The following ESRRG variants were observed in gnomAD, a reference collection of about 807,000 sequenced individuals.
The protein encoded by ESRRG is estrogen-related receptor gamma.
A neutral mutation model predicts 44.0 loss-of-function variants in ESRRG; 13 were observed. The observed-to-expected ratio is 0.30, with a 90% CI of 0.19 to 0.47. The LOEUF is 0.47. Among genes scored for constraint, ESRRG ranks in the 20% least tolerant of loss-of-function variants. The pLI is 1.00. For missense variants in ESRRG, 395 were observed against 580.6 expected, an observed-to-expected ratio of 0.68 and a Z score of 3.29; for synonymous variants, 215 against 214.6, an observed-to-expected ratio of 1.00 and a Z score of -0.02.
intron 1 of ESRRG, among the ~76,000 whole-genome samples, chr1:216,961,066 G>A (rs1001592096): frequency 6.6e-6 from 1 of 152,154 alleles, no homozygotes; most frequent in African/African-American, 2.4e-5. Context: ...ATACAAGGAG[G>A]AAGAGACAAA....
chr1:217,125,004 G>A (rs2092870164), intron 1 of ESRRG, among the ~76,000 whole-genome samples: 1 of 152,174 alleles, frequency 6.6e-6, no homozygotes, highest in African/African-American at 2.4e-5. Flanking sequence ...CCCAGCTGAA[G>A]AGACCAGAGA....
chr1:216,859,064 C>T lies in ESRRG; in HGVS notation c.-14+80518G>A, dbSNP rs187474515. Among the ~76,000 whole-genome samples the T allele has an allele frequency of 1.5e-3, 230 of 152,242 alleles. 1 individual carries two copies. The highest frequency in any genetic ancestry group is 0.01 in the Middle Eastern group (3 of 294). ...TGTGTGTTATTACTTTATCCTCCAG[C>T]GCTGTGTGAGAAACTCTACTTTGTA... On this transcript the variant is annotated intron_variant, in intron 2 of 7. Coordinates refer to the ESRRG transcript ENST00000359162.
chr1:216,576,237 C>A (rs1348761913), intron 3 of ESRRG, among the ~76,000 whole-genome samples: 2 of 151,642 alleles, frequency 1.3e-5, no homozygotes, highest in Admixed American at 1.3e-4. Context: ...AATTCAGAAA[C>A]ATTGGAAACT....
chr1:216,908,520 A>T (rs2059931130), intron 2 of ESRRG, among the ~76,000 whole-genome samples: 1 of 152,186 alleles, frequency 6.6e-6, no homozygotes, highest in East Asian at 1.9e-4. Context: ...AATTTGCAGG[A>T]CCATAATATA....
At chr1:217,123,375 T>C (rs1375072924) in intron 1 of ESRRG, among the ~76,000 whole-genome samples, 1 of 152,218 alleles carries the variant, frequency 6.6e-6, no homozygotes, top group Non-Finnish European at 1.5e-5. Context: ...ATTAATTACA[T>C]TCTTGCCTTT....
At position 216,519,375 on chromosome 1, in the gene ESRRG, A is replaced by G. The variant is rs772925003; in HGVS notation, c.909T>C (p.Ser303=). Residue 303 remains serine (S), a synonymous_variant, in exon 6 of 7, where the codon AGT becomes AGC. Coordinates refer to ENST00000408911, the MANE Select transcript of ESRRG (RefSeq NM_001438.4). ...CAAGGATCAAAATTTCCATCCAAGC[A>G]CTCTGCAGAAGGCTCATCTGGTCCG... The part of the protein sequence containing the change: ...SLADQMSLLQ[S]AWMEILILGV... 1.2e-6 allele frequency: 2 copies of G among 1,613,484 alleles called. No individual in the cohort carries two copies. Among genetic ancestry groups the G allele is most frequent in the South Asian group, 1.1e-5 (1 of 91,060 alleles).
At chr1:216,797,348 C>T (rs902220470) in intron 2 of ESRRG, among the ~76,000 whole-genome samples, 4 of 152,138 alleles carry the variant, frequency 2.6e-5, no homozygotes, top group African/African-American at 4.8e-5. Context: ...ATGAGGATGT[C>T]ATGTTACACT....
At chr1:217,119,003 A>G (rs2092778083) in intron 1 of ESRRG, among the ~76,000 whole-genome samples, 1 of 111,544 alleles carries the variant, frequency 9.0e-6, no homozygotes, top group South Asian at 3.0e-4. Flanking sequence ...TAGAAACTAG[A>G]TGGATAGATA....
At chr1:216,749,099 C>T (rs1026204144) in intron 2 of ESRRG, among the ~76,000 whole-genome samples, 31 of 152,054 alleles carry the variant, frequency 2.0e-4, no homozygotes, top group Non-Finnish European at 2.9e-5. Flanking sequence ...GCAAGAGACC[C>T]AGCAGCAGCC....
intron 1 of ESRRG, among the ~76,000 whole-genome samples, chr1:217,131,557 T>C (rs2092966546): frequency 6.6e-6 from 1 of 152,206 alleles, no homozygotes; most frequent in Admixed American, 6.5e-5. Context: ...GAAACCAACC[T>C]GTTGAAGGTG....
intron 3 of ESRRG, among the ~76,000 whole-genome samples, chr1:216,572,726 C>T (rs559539940): frequency 1.3e-5 from 2 of 152,118 alleles, no homozygotes; most frequent in South Asian, 4.1e-4. Flanking sequence ...TGGGATACTA[C>T]ATTTCTTCTT....
At position 216,774,397 on chromosome 1, in the gene ESRRG, C is replaced by T. The variant is rs144488268; in HGVS notation, c.-13-96906G>A. On this transcript the variant is annotated intron_variant, in intron 2 of 7. Transcript: ENST00000359162. ...GCACATGACGTTCCATTACGCAGTG[C>T]GGTGGGAGGTTATGAATTGCAAAAG... Among the ~76,000 whole-genome samples, 988 of 152,184 alleles carry T rather than the reference C, an allele frequency of 6.5e-3. 13 individuals are homozygous for T. Among genetic ancestry groups the T allele is most frequent in the African/African-American group, 0.023 (955 of 41,524 alleles).
At chr1:216,509,264 A>G (rs1365157629) in intron 6 of ESRRG, among the ~76,000 whole-genome samples, 1 of 152,232 alleles carries the variant, frequency 6.6e-6, no homozygotes, top group Non-Finnish European at 1.5e-5. Flanking sequence ...TCAAACTCCT[A>G]TCTTCATCAG....
chr1:216,637,383 A>G (rs899619252), intron 3 of ESRRG, among the ~76,000 whole-genome samples: 1 of 152,234 alleles, frequency 6.6e-6, no homozygotes, highest in Non-Finnish European at 1.5e-5. Flanking sequence ...CCTGTTTTAG[A>G]ATGCCTACAG....
At chr1:217,111,367 C>G (rs922889095) in intron 1 of ESRRG, among the ~76,000 whole-genome samples, 2 of 152,112 alleles carry the variant, frequency 1.3e-5, no homozygotes. Flanking sequence ...CATTTTGATG[C>G]GCCATTGTTA....
At chr1:216,860,526 G>T (rs559221078) in intron 2 of ESRRG, among the ~76,000 whole-genome samples, 1 of 152,134 alleles carries the variant, frequency 6.6e-6, no homozygotes, top group Non-Finnish European at 1.5e-5. Context: ...ACACTACATG[G>T]AGACCTGAAG....
intron 1 of ESRRG, among the ~76,000 whole-genome samples, chr1:217,060,041 G>T (rs1299741978): frequency 2.6e-5 from 4 of 151,946 alleles, no homozygotes; most frequent in Non-Finnish European, 5.9e-5. Context: ...ATTGGGTAAA[G>T]CACATGAAGG....
intron 1 of ESRRG, among the ~76,000 whole-genome samples, chr1:217,084,055 T>C (rs2091928276): frequency 6.6e-6 from 1 of 151,646 alleles, no homozygotes; most frequent in African/African-American, 2.4e-5. Context: ...GATAAGCAAT[T>C]ATACATGCTC....
chr1:216,819,027 G>T (rs1181268830), intron 2 of ESRRG, among the ~76,000 whole-genome samples: 2 of 152,012 alleles, frequency 1.3e-5, no homozygotes, highest in Non-Finnish European at 1.5e-5. Context: ...ATAGCATTTG[G>T]GTTGATTTCA....
Sources: gnomAD v4.1 joint callset for allele counts (sites outside exome capture counted in the v4.1 genomes callset) on GRCh38, gnomAD v4.1.1 for gene constraint, MANE v1.5 for transcripts, NCBI Gene and HGNC (gene_info 2026-07-23, HGNC 2026-07-21) for gene names.